The following SESN3 variants were observed in gnomAD, a reference collection of about 807,000 sequenced individuals.
SESN3 encodes sestrin-3.
A neutral mutation model predicts 55.3 loss-of-function variants in SESN3; 21 were observed. That is an observed-to-expected ratio of 0.38 (90% CI 0.27 to 0.55). The LOEUF (loss-of-function observed/expected upper bound fraction) is 0.55. Ranked by LOEUF, SESN3 falls within the 20% of genes least tolerant of loss-of-function variation. The pLI, the probability that SESN3 is intolerant of heterozygous loss-of-function variation, is 0.76. For missense variants in SESN3, 408 were observed against 604.3 expected, an observed-to-expected ratio of 0.68 and a Z score of 3.41; for synonymous variants, 181 against 203.1, an observed-to-expected ratio of 0.89 and a Z score of 0.93.
At chr11:95,186,194 CTGTG>C (rs35466696) in intron 4 of SESN3, among the ~76,000 whole-genome samples, 25,235 of 107,518 alleles carry the variant, frequency 0.23, 2,827 homozygotes, top group African/African-American at 0.28. Context: ...CTATCTCTCA[CTGTG>C]TGTGTGTGTG....
intron 7 of SESN3, among the ~76,000 whole-genome samples, chr11:95,178,388 T>C (rs1859997360): frequency 6.6e-6 from 1 of 152,234 alleles, no homozygotes; most frequent in Non-Finnish European, 1.5e-5. Context: ...TGGTATATGA[T>C]TTTATTCCAA....
chr11:95,185,190 C>T (rs896835940), intron 5 of SESN3, 66 bp downstream of exon 5: 28 of 895,536 alleles, frequency 3.1e-5, no homozygotes, highest in Non-Finnish European at 4.7e-5. Context: ...AAAATTCTCT[C>T]TAGATATTTT....
intron 1 of SESN3, among the ~76,000 whole-genome samples, chr11:95,210,017 C>CAAAAAAAAAAAAAAAAAAAAAAAAAAAA (rs71036380): frequency 1.7e-5 from 1 of 60,188 alleles, no homozygotes; most frequent in Non-Finnish European, 3.0e-5. Flanking sequence ...AACTCCATCT[C>CAAAAAAAAAAAAAAAAAAAAAAAAAAAA]AAAAAAAAAA....
Position 95,172,130 on chromosome 11 carries a change from G to T in SESN3, c.*1125C>A, listed in dbSNP as rs1859862089. ...TTTGCAGTGATATGACAGGGGGAAA[G>T]TTTAGTTGAGTATTTTTTGAACATA... On this transcript the variant is annotated 3_prime_UTR_variant, in exon 10 of 10. Transcript: ENST00000536441. 6.6e-6 allele frequency: 1 copy of T among 152,108 alleles called. No individual in the cohort carries two copies. The highest frequency in any genetic ancestry group is 2.1e-4 in the South Asian group (1 of 4,826). 9.4% of individuals were successfully genotyped at this position (152,108 alleles called of 1,614,324 possible).
chr11:95,212,521 A>T (rs1860677127), intron 1 of SESN3, among the ~76,000 whole-genome samples: 2 of 152,168 alleles, frequency 1.3e-5, no homozygotes, highest in South Asian at 4.1e-4. Flanking sequence ...CACAGTGCTC[A>T]GATTATATAT....
intron 4 of SESN3, among the ~76,000 whole-genome samples, chr11:95,187,704 TTGGA>T (rs1205704910): frequency 1.3e-5 from 2 of 151,896 alleles, no homozygotes; most frequent in Non-Finnish European, 2.9e-5. Context: ...CAGTATCTCC[TTGGA>T]TGGGCCATTC....
At chr11:95,186,018 C>T (rs1167987737) in intron 4 of SESN3, among the ~76,000 whole-genome samples, 1 of 151,876 alleles carries the variant, frequency 6.6e-6, no homozygotes, top group Non-Finnish European at 1.5e-5. Context: ...TTTCCAAGCA[C>T]TTTTTCATAT....
Position 95,178,755 on chromosome 11 carries a change from G to A in SESN3, c.1011C>T (p.Asp337=). The change falls in exon 7 of 10, where the codon GAC becomes GAT. Residue 337 remains aspartate (D), a synonymous_variant. Transcript: ENST00000536441. ...AATGCTCTTCTCCTCGTCTGGCAAA[G>A]TCTTCATACCCAAAACCAGGGTCTT... ...YIEDPGFGYE[D]FARRGEEHLP... 1 of 1,613,074 alleles carries A rather than the reference G, an allele frequency of 6.2e-7. No homozygotes were observed. Among genetic ancestry groups the A allele is most frequent in the Non-Finnish European group, 8.5e-7 (1 of 1,179,148 alleles).
At chr11:95,224,230 T>A (rs1860910032) in intron 1 of SESN3, among the ~76,000 whole-genome samples, 1 of 152,204 alleles carries the variant, frequency 6.6e-6, no homozygotes, top group Non-Finnish European at 1.5e-5. Context: ...GTATTCTTCT[T>A]AAAGGTTAAT....
At chr11:95,223,229 G>T (rs1860890593) in intron 1 of SESN3, among the ~76,000 whole-genome samples, 1 of 151,950 alleles carries the variant, frequency 6.6e-6, no homozygotes, top group South Asian at 2.1e-4. Flanking sequence ...ATTTATTTAG[G>T]AACTCCCACA....
At chr11:95,206,946 T>A (rs775691581) in intron 1 of SESN3, among the ~76,000 whole-genome samples, 31 of 151,886 alleles carry the variant, frequency 2.0e-4, no homozygotes, top group Non-Finnish European at 3.2e-4. Flanking sequence ...CAGAGGCATT[T>A]TTTTTTGTAT....
At chr11:95,188,043 G>A (rs2134231694) in intron 4 of SESN3, among the ~76,000 whole-genome samples, 1 of 150,212 alleles carries the variant, frequency 6.7e-6, no homozygotes, top group East Asian at 2.0e-4. Context: ...TCACCTCTCA[G>A]GTGTAGTACT....
intron 1 of SESN3, among the ~76,000 whole-genome samples, chr11:95,218,896 C>A (rs1470436685): frequency 2.0e-5 from 3 of 152,182 alleles, no homozygotes; most frequent in African/African-American, 7.2e-5. Context: ...TCGTGATCCG[C>A]CCGCCTCGGC....
In SESN3 at chr11:95,230,621, C is replaced by A. The variant is rs542624295; in HGVS notation, c.78+162G>T. On this transcript the variant is annotated intron_variant, in intron 1 of 9. Transcript: ENST00000536441. The surrounding 1 kb of genome is among the most constrained non-coding windows in gnomAD (Gnocchi z 4.6). Reference sequence around the variant, plus strand: ...AAATAAAAAGCCGCAGTAGTCCAAACCCTCCTGCCCTCAACCCACGCCCCC... The same window carrying A: ...AAATAAAAAGCCGCAGTAGTCCAAAACCTCCTGCCCTCAACCCACGCCCCC... The A allele has an allele frequency of 4.5e-5, 26 of 575,596 alleles. No homozygotes were observed. The highest frequency in any genetic ancestry group is 7.2e-5 in the Non-Finnish European group (24 of 332,428). 35.7% of individuals were successfully genotyped at this position (575,596 alleles called of 1,614,324 possible).
At chr11:95,185,721 C>A (rs1297274664) in intron 4 of SESN3, among the ~76,000 whole-genome samples, 1 of 151,964 alleles carries the variant, frequency 6.6e-6, no homozygotes, top group Non-Finnish European at 1.5e-5. Flanking sequence ...CCTTATTATA[C>A]AATAAATCTT....
chr11:95,219,413 A>C (rs893295299), intron 1 of SESN3, among the ~76,000 whole-genome samples: 1 of 152,308 alleles, frequency 6.6e-6, no homozygotes, highest in East Asian at 1.9e-4. Context: ...TATACATATT[A>C]AATGTCTAAT....
chr11:95,229,206 AT>A (rs1266570037), intron 1 of SESN3, among the ~76,000 whole-genome samples: 1 of 152,184 alleles, frequency 6.6e-6, no homozygotes, highest in African/African-American at 2.4e-5. Flanking sequence ...TAAGAAATAA[AT>A]TTTTTTGAAA....
At chr11:95,217,005 C>G (rs1253440541) in intron 1 of SESN3, among the ~76,000 whole-genome samples, 1 of 151,378 alleles carries the variant, frequency 6.6e-6, no homozygotes, top group African/African-American at 2.4e-5. Context: ...TCTCAGGAGG[C>G]TGAGGCAGGA....
intron 1 of SESN3, among the ~76,000 whole-genome samples, chr11:95,223,034 T>C (rs771519426): frequency 4.6e-5 from 7 of 152,194 alleles, no homozygotes; most frequent in African/African-American, 7.2e-5. Context: ...TAGTCACTTA[T>C]AGGTCTCAGC....
Sources: allele counts gnomAD v4.1 joint callset (sites outside exome capture counted in the v4.1 genomes callset), GRCh38; gene constraint gnomAD v4.1.1; non-coding constraint Gnocchi (gnomAD v3.1); transcripts MANE v1.5; gene names NCBI Gene and HGNC (gene_info 2026-07-23, HGNC 2026-07-21).